NEGR1: variants seen among roughly 807,000 people sequenced by gnomAD.
NEGR1 encodes the protein IgLON family member 4.
A neutral mutation model predicts 40.9 loss-of-function variants in NEGR1; 10 were observed. The ratio of observed to expected loss-of-function variants is 0.24; its 90% CI spans 0.15 to 0.42. The LOEUF (loss-of-function observed/expected upper bound fraction) is 0.42, where lower values mean the gene tolerates loss of function less well. Among genes scored for constraint, NEGR1 ranks in the 10% least tolerant of loss-of-function variants. NEGR1 has a pLI of 1.00. For missense variants in NEGR1, 352 were observed against 438.9 expected (o/e 0.80, Z 1.77); for synonymous variants, 185 against 166.8 (o/e 1.11, Z -0.84).
intron 1 of NEGR1, among the ~76,000 whole-genome samples, chr1:72,009,634 T>C (rs1177067810): frequency 6.6e-6 from 1 of 152,244 alleles, no homozygotes. Context: ...TGTGACAGTT[T>C]ACGTGTAACC....
At chr1:72,259,840 GCT>G (rs1306913408) in intron 1 of NEGR1, among the ~76,000 whole-genome samples, 1 of 151,978 alleles carries the variant, frequency 6.6e-6, no homozygotes, top group African/African-American at 2.4e-5. Context: ...AGGCAAAATC[GCT>G]ATGCAGGTAG....
In NEGR1 at chr1:72,282,385, C is replaced by T; in HGVS notation, c.110G>A (p.Ser37Asn). The T allele has an allele frequency of 6.2e-7, 1 of 1,614,014 alleles. No homozygotes were observed. Among genetic ancestry groups the T allele is most frequent in the South Asian group, 1.1e-5 (1 of 91,068 alleles). ...CACGGCCGCCCAGGGGAAGTCCACA[C>T]TCTGTCCAGCCGGGAGGCAGGAGGG... ...LLPSCLPAGQ[S>N]VDFPWAAVDN... Residue 37 changes from serine to asparagine, a missense_variant, in exon 1 of 7, where the codon AGT becomes AAT. Physicochemically the swap from Ser to Asn is conservative, Grantham distance 46 (BLOSUM62 1). Around this residue, in one of 5 missense-constraint regions of NEGR1, gnomAD observed 81 missense variants for 85.8 expected, o/e 0.94. Coordinates refer to ENST00000357731, the MANE Select transcript of NEGR1 (RefSeq NM_173808.3).
At chr1:71,559,972 C>G (rs1218933948) in intron 6 of NEGR1, among the ~76,000 whole-genome samples, 1 of 151,252 alleles carries the variant, frequency 6.6e-6, no homozygotes, top group Non-Finnish European at 1.5e-5. Context: ...ATATTCTATC[C>G]CAGTGGTTCT....
intron 3 of NEGR1, among the ~76,000 whole-genome samples, chr1:71,722,933 C>A (rs568573980): frequency 3.9e-5 from 6 of 152,108 alleles, no homozygotes; most frequent in Non-Finnish European, 8.8e-5. Context: ...TACCTCCAGG[C>A]AACTACAGCT....
At chr1:71,915,810 T>G (rs1012034692) in intron 2 of NEGR1, among the ~76,000 whole-genome samples, 1 of 152,172 alleles carries the variant, frequency 6.6e-6, no homozygotes, top group African/African-American at 2.4e-5. Context: ...CATTAAGAGA[T>G]CATATATTGA....
intron 1 of NEGR1, among the ~76,000 whole-genome samples, chr1:72,172,264 C>T (rs1440574419): frequency 6.6e-6 from 1 of 152,102 alleles, no homozygotes; most frequent in Non-Finnish European, 1.5e-5. Flanking sequence ...TCCTTTTCTA[C>T]ATTATTTCAA....
At chr1:71,698,593 AAGTCAGATGTC>A (rs1653568845) in intron 3 of NEGR1, among the ~76,000 whole-genome samples, 1 of 151,834 alleles carries the variant, frequency 6.6e-6, no homozygotes, top group South Asian at 2.1e-4. Context: ...TCAAGGATTC[AAGTCAGATGTC>A]TTGAAAAAAG....
intron 1 of NEGR1, among the ~76,000 whole-genome samples, chr1:71,940,649 C>T (rs1381289308): frequency 6.6e-6 from 1 of 152,046 alleles, no homozygotes; most frequent in East Asian, 1.9e-4. Flanking sequence ...TTAGGCAGGT[C>T]TCTGTTTTGG....
At chr1:72,245,424 T>C (rs1158108758) in intron 1 of NEGR1, among the ~76,000 whole-genome samples, 1 of 152,106 alleles carries the variant, frequency 6.6e-6, no homozygotes, top group East Asian at 1.9e-4. Context: ...CACTTGCATA[T>C]TCTATTCAAC....
At chr1:71,806,059 A>T (rs1347715996) in intron 2 of NEGR1, among the ~76,000 whole-genome samples, 1 of 152,158 alleles carries the variant, frequency 6.6e-6, no homozygotes, top group African/African-American at 2.4e-5. Context: ...CAAGAATCTG[A>T]ATATTGCAGT....
At chr1:71,492,536 G>A (rs1278160849) in intron 6 of NEGR1, among the ~76,000 whole-genome samples, 1 of 151,796 alleles carries the variant, frequency 6.6e-6, no homozygotes, top group Non-Finnish European at 1.5e-5. Context: ...ACGGCTCCTG[G>A]TTCAGCTCTT....
chr1:71,584,902 G>T (rs1209484778), intron 6 of NEGR1, among the ~76,000 whole-genome samples: 1 of 152,088 alleles, frequency 6.6e-6, no homozygotes, highest in Non-Finnish European at 1.5e-5. Context: ...TTAGTTATAG[G>T]ATTAGAGCTG....
At chr1:71,659,458 AC>A (rs2101589094) in intron 4 of NEGR1, among the ~76,000 whole-genome samples, 1 of 152,292 alleles carries the variant, frequency 6.6e-6, no homozygotes, top group African/African-American at 2.4e-5. Context: ...GCAATCACAA[AC>A]AAAAGCAAAA....
At chr1:71,664,246 C>A (rs1438711512) in intron 4 of NEGR1, among the ~76,000 whole-genome samples, 4 of 152,134 alleles carry the variant, frequency 2.6e-5, no homozygotes, top group African/African-American at 9.7e-5. Context: ...TGAGTGAAAG[C>A]ATGTGGGATG....
At chr1:71,714,713 C>T (rs538929005) in intron 3 of NEGR1, among the ~76,000 whole-genome samples, 1 of 152,328 alleles carries the variant, frequency 6.6e-6, no homozygotes, top group African/African-American at 2.4e-5. Context: ...CTCATCCAGA[C>T]CATGCTAATG....
intron 1 of NEGR1, among the ~76,000 whole-genome samples, chr1:71,954,384 T>A (rs1022898321): frequency 6.6e-6 from 1 of 151,966 alleles, no homozygotes; most frequent in African/African-American, 2.4e-5. Context: ...TCAGAGTACA[T>A]AAGGTATATT....
At chr1:72,051,667 G>A (rs1195573131) in intron 1 of NEGR1, among the ~76,000 whole-genome samples, 1 of 151,438 alleles carries the variant, frequency 6.6e-6, no homozygotes, top group East Asian at 1.9e-4. Context: ...CACAGACGGA[G>A]CACCTGTGAG....
intron 3 of NEGR1, among the ~76,000 whole-genome samples, chr1:71,729,605 C>T (rs1654786622): frequency 6.6e-6 from 1 of 151,872 alleles, no homozygotes; most frequent in Non-Finnish European, 1.5e-5. Context: ...ATTAACAAAA[C>T]TCATTAAGAG....
At position 71,555,013 on chromosome 1, in the gene NEGR1, T is replaced by A. The variant is rs80042843; in HGVS notation, c.940+37804A>T. Among the ~76,000 whole-genome samples, 757 of 151,658 alleles carry A rather than the reference T, an allele frequency of 5.0e-3. 1 individual carries two copies. Among genetic ancestry groups the A allele is most frequent in the Non-Finnish European group, 8.0e-3 (539 of 67,716 alleles). On this transcript the variant is annotated intron_variant, in intron 6 of 6. Transcript: ENST00000357731. ...TTCTGAAAGTGCTCATTAAAAGGAA[T>A]CTATTTTCCTCCAATAAATGGGTAG...
Sources: gnomAD v4.1 joint callset for allele counts (sites outside exome capture counted in the v4.1 genomes callset) on GRCh38, gnomAD v4.1.1 for gene constraint, gnomAD v4.1.1 regional missense constraint, MANE v1.5 for transcripts, NCBI Gene and HGNC (gene_info 2026-07-23, HGNC 2026-07-21) for gene names.